CARF: variants seen among roughly 807,000 people sequenced by gnomAD.
CARF encodes calcium-responsive transcription factor.
Under a neutral mutation model 82.0 loss-of-function variants are expected in CARF, and 57 were observed. That is an observed-to-expected ratio of 0.70 (90% CI 0.56 to 0.87). The LOEUF is 0.87. Ranked by LOEUF, CARF falls within the 40% of genes least tolerant of loss-of-function variation. The pLI is 0.00. For synonymous variants in CARF, 268 were observed against 290.1 expected (o/e 0.92, Z 0.77); for missense variants, 771 against 855.8 (o/e 0.90, Z 1.24).
In CARF at chr2:202,981,664, C is replaced by A. The variant is rs1229183005; in HGVS notation, c.1668C>A (p.Pro556=). ...HLLSSLSSFQ[P]KIFTQLQGLQ... ...TCTCCTCACTCTCCTCATTTCAGCC[C>A]AAAATATTTACACAACTACAGGTAG... The change falls in exon 15 of 17, where the codon CCC becomes CCA. Residue 556 remains proline (P), a synonymous_variant. Coordinates refer to ENST00000438828, the MANE Select transcript of CARF (RefSeq NM_024744.17). 1 of 1,611,546 alleles carries A rather than the reference C, an allele frequency of 6.2e-7. No individual in the cohort carries two copies. The highest frequency in any genetic ancestry group is 2.2e-5 in the East Asian group (1 of 44,794).
intron 12 of CARF, chr2:202,973,547 A>G (rs932540079): frequency 5.2e-6 from 2 of 385,506 alleles, no homozygotes; most frequent in Non-Finnish European, 1.0e-5. Flanking sequence ...GTTTACGCAC[A>G]TAACCTGGGT....
rs2059941584 is a variant in CARF, at chr2:202,974,430, C to T, written c.1428C>T (p.Ile476=). Residue 476 remains isoleucine (I), a synonymous_variant, in exon 13 of 17, where the codon ATC becomes ATT. Transcript: ENST00000438828. ...FPTVNDIKNH[I]HEVQKSLRNG... is the part of the protein sequence containing the mutation. Reference sequence around the variant, plus strand: ...CTGTAAATGATATAAAAAATCACATCCATGAGGTACAGAAATCCTTGAGAA... The same window carrying T: ...CTGTAAATGATATAAAAAATCACATTCATGAGGTACAGAAATCCTTGAGAA... 1 of 1,607,948 alleles carries T rather than the reference C, an allele frequency of 6.2e-7. No individual in the cohort carries two copies. The highest frequency in any genetic ancestry group is 1.7e-5 in the Admixed American group (1 of 58,290).
chr2:202,979,766 A>G (rs1394678268), intron 14 of CARF, among the ~76,000 whole-genome samples: 1 of 151,512 alleles, frequency 6.6e-6, no homozygotes, highest in Non-Finnish European at 1.5e-5. Flanking sequence ...GCGTCACTGC[A>G]CTCCAGCCTG....
chr2:202,937,129 C>A (rs557962470), intron 3 of CARF, among the ~76,000 whole-genome samples: 1 of 152,186 alleles, frequency 6.6e-6, no homozygotes, highest in African/African-American at 2.4e-5. Context: ...TCTGGACTCT[C>A]GATTCTGTTG....
intron 9 of CARF, among the ~76,000 whole-genome samples, chr2:202,966,491 C>A (rs554331003): frequency 2.6e-5 from 4 of 152,138 alleles, no homozygotes; most frequent in Non-Finnish European, 5.9e-5. Flanking sequence ...GCAGGCGGTT[C>A]ACTTGAGTTT....
Position 202,969,954 on chromosome 2 carries a change from A to G in CARF, c.989A>G (p.Tyr330Cys), listed in dbSNP as rs536121841. Residue 330 changes from tyrosine to cysteine, a missense_variant, in exon 11 of 17, where the codon TAT becomes TGT. Coordinates refer to ENST00000438828, the MANE Select transcript of CARF (RefSeq NM_024744.17). Reference protein sequence around the residue: ...YIKKVQKFPEYRVPTDPKIDK... With the variant: ...YIKKVQKFPECRVPTDPKIDK... Reference sequence around the variant, plus strand: ...AAAAAGGTACAGAAGTTTCCTGAATATAGAGTTCCTACAGACCCCAAAATT... The same window carrying G: ...AAAAAGGTACAGAAGTTTCCTGAATGTAGAGTTCCTACAGACCCCAAAATT... The G allele has an allele frequency of 9.0e-6, 14 of 1,549,284 alleles. No individual in the cohort carries two copies. Among genetic ancestry groups the G allele is most frequent in the Non-Finnish European group, 1.2e-5 (14 of 1,156,062 alleles).
rs2059943636 is a variant in CARF, at chr2:202,974,470, T to G, written c.1468T>G (p.Tyr490Asp). The G allele has an allele frequency of 6.2e-7, 1 of 1,603,424 alleles. No individual in the cohort carries two copies. Among genetic ancestry groups the G allele is most frequent in the African/African-American group, 1.3e-5 (1 of 74,228 alleles). The change falls in exon 13 of 17, where the codon TAT (tyrosine) becomes GAT (aspartate). Residue 490 changes from tyrosine (Y) to aspartate (D), a missense_variant. Tyr to Asp is a radical substitution (Grantham distance 160). Transcript: ENST00000438828. Reference sequence around the variant, plus strand: ...ATCCTTGAGAAATGGAGATACGGTATATAACTCAGAGATTATTCCAGCAAC... The same window carrying G: ...ATCCTTGAGAAATGGAGATACGGTAGATAACTCAGAGATTATTCCAGCAAC... ...QKSLRNGDTV[Y>D]NSEIIPATLQ...
At chr2:202,952,796 A>T (rs1435353815) in intron 6 of CARF, 117 bp downstream of exon 6, 6 of 1,020,354 alleles carry the variant, frequency 5.9e-6, no homozygotes, top group Non-Finnish European at 8.1e-6. Context: ...AAGATTATGA[A>T]TTAAATAATT....
intron 1 of CARF, among the ~76,000 whole-genome samples, chr2:202,914,643 G>C (rs1689253194): frequency 6.6e-6 from 1 of 152,030 alleles, no homozygotes; most frequent in African/African-American, 2.4e-5. Flanking sequence ...GCCAGGCATG[G>C]TGGGGGGTGC....
intron 1 of CARF, among the ~76,000 whole-genome samples, chr2:202,914,563 G>A (rs899172105): frequency 1.7e-4 from 26 of 152,072 alleles, no homozygotes; most frequent in African/African-American, 6.3e-4. Context: ...TGGAGCACCT[G>A]AGGTCAGGAG....
chr2:202,967,186 C>A, intron 10 of CARF, 88 bp downstream of exon 10: 1 of 1,377,966 alleles, frequency 7.3e-7, no homozygotes, highest in Non-Finnish European at 9.8e-7. Context: ...TTATACAGTA[C>A]CAAAAAGTAT....
intron 14 of CARF, among the ~76,000 whole-genome samples, chr2:202,979,867 C>T (rs2060178339): frequency 6.6e-6 from 1 of 151,960 alleles, no homozygotes. Flanking sequence ...CACAGAAAGC[C>T]AGTGCTTAAA....
In CARF at chr2:202,986,803, G is replaced by C. The variant is rs1202675351; in HGVS notation, c.*3179G>C. On this transcript the variant is annotated 3_prime_UTR_variant, in exon 17 of 17. Transcript: ENST00000438828. ...TCAGAATACATACTTAATCATGTGG[G>C]TATGAGAAAGATGTTGTTTAACTTG... The C allele has an allele frequency of 1.4e-5, 2 of 142,082 alleles. No homozygotes were observed. Among genetic ancestry groups the C allele is most frequent in the South Asian group, 4.5e-4 (2 of 4,412 alleles). The allele number at this position is 142,082 out of a possible 1,614,324, so 8.8% of individuals were successfully genotyped here. A position where few individuals can be genotyped will look rare whatever the true frequency, so the allele number is the denominator to read the frequency against.
Position 202,942,926 on chromosome 2 carries a change from C to T in CARF, c.265C>T (p.Gln89Ter). 1 of 1,614,064 alleles carries T rather than the reference C, an allele frequency of 6.2e-7. No homozygotes were observed. Among genetic ancestry groups the T allele is most frequent in the East Asian group, 2.2e-5 (1 of 44,874 alleles). The stretch of plus-strand genomic sequence containing the variant: ...AGTGGACCAAAATGGGCAGGCTATT[C>T]AATATGAACTTCAGTCATTGGGGGA... ...HLVDQNGQAIQYELQSLGESN... is the reference protein window; with the variant it reads ...HLVDQNGQAI Residue 89 changes from glutamine (Q) to a stop codon, truncating the protein, a stop_gained, in exon 5 of 17, where the codon CAA becomes TAA. Coordinates refer to ENST00000438828, the MANE Select transcript of CARF (RefSeq NM_024744.17). LOFTEE classifies it high-confidence loss of function.
intron 1 of CARF, among the ~76,000 whole-genome samples, chr2:202,913,778 G>A (rs928284692): frequency 1.3e-5 from 2 of 152,148 alleles, no homozygotes; most frequent in Admixed American, 6.5e-5. Context: ...TGACCAGCAG[G>A]TTAATACATT....
intron 1 of CARF, among the ~76,000 whole-genome samples, chr2:202,914,790 AACAAAC>A (rs1351852988): frequency 1.4e-5 from 2 of 143,100 alleles, no homozygotes; most frequent in Non-Finnish European, 3.0e-5. Flanking sequence ...AAAAAAAAAA[AACAAAC>A]AAAAAATCAG....
intron 16 of CARF, 149 bp downstream of exon 16, chr2:202,982,590 T>G: frequency 1.3e-6 from 1 of 750,886 alleles, no homozygotes. Context: ...AGGAGGAGAT[T>G]TCATTACCCT....
intron 3 of CARF, chr2:202,924,928 A>G (rs1421433657): frequency 3.7e-6 from 1 of 273,710 alleles, no homozygotes; most frequent in African/African-American, 2.2e-5. Flanking sequence ...ATTGCAGATC[A>G]AGACCCTAAA....
At position 202,982,368 on chromosome 2, in the gene CARF, A is replaced by T; in HGVS notation, c.1986A>T (p.Gly662=). Residue 662 remains glycine, a synonymous_variant, in exon 16 of 17, where the codon GGA becomes GGT. Transcript: ENST00000438828. ...TTGAGGATACAGGGAATCTGGAAGG[A>T]ACTGTTCATCGGATTCTGTTGGGAG... ...GDVEDTGNLE[G]TVHRILLGDV... 4 of 1,614,176 alleles carry T rather than the reference A, an allele frequency of 2.5e-6. No individual in the cohort carries two copies. The South Asian group carries it at 4.4e-5, about 18-fold the overall frequency.
Sources: allele counts gnomAD v4.1 joint callset (sites outside exome capture counted in the v4.1 genomes callset), GRCh38; gene constraint gnomAD v4.1.1; transcripts MANE v1.5; gene names NCBI Gene and HGNC (gene_info 2026-07-23, HGNC 2026-07-21).